The following ACSL5 variants were observed in gnomAD, a reference collection of about 807,000 sequenced individuals.
The protein encoded by ACSL5 is acyl-CoA synthetase long chain family member 5.
In ACSL5, 50 loss-of-function variants were observed where a neutral mutation model predicts 84.9. The observed-to-expected ratio is 0.59, with a 90% CI of 0.47 to 0.75. ACSL5 has a LOEUF of 0.75. Ranked by LOEUF, ACSL5 falls within the 30% of genes least tolerant of loss-of-function variation. The pLI, the probability that ACSL5 is intolerant of heterozygous loss-of-function variation, is 0.00. For missense variants in ACSL5, 775 were observed against 830.4 expected, an observed-to-expected ratio of 0.93 and a Z score of 0.82; for synonymous variants, 280 against 300.7, an observed-to-expected ratio of 0.93 and a Z score of 0.71.
chr10:112,406,474 G>A (rs1489081506), intron 5 of ACSL5: 1 of 152,184 alleles, frequency 6.6e-6, no homozygotes, highest in African/African-American at 2.4e-5. Flanking sequence ...ATTTGGGTTG[G>A]GCCGGAGGAG....
chr10:112,385,793 TA>T (rs1455252492), intron 1 of ACSL5, among the ~76,000 whole-genome samples: 6 of 152,220 alleles, frequency 3.9e-5, no homozygotes, highest in African/African-American at 1.4e-4. Flanking sequence ...GGAAAATTTT[TA>T]TTTTTATATA....
intron 4 of ACSL5, 23 bp from the exon 5 acceptor site, chr10:112,404,682 C>T (rs908858437): frequency 9.3e-6 from 15 of 1,608,354 alleles, no homozygotes; most frequent in Admixed American, 3.3e-5. Context: ...CTCTCTCTCT[C>T]ACCCCATCTC....
chr10:112,418,555 C>T (rs1844373682), intron 14 of ACSL5, among the ~76,000 whole-genome samples: 1 of 151,802 alleles, frequency 6.6e-6, no homozygotes, highest in African/African-American at 2.4e-5. Context: ...GCACTCCAGC[C>T]TGGGCAACAG....
At chr10:112,407,222 AT>A (rs1844060673) in intron 5 of ACSL5, among the ~76,000 whole-genome samples, 1 of 151,788 alleles carries the variant, frequency 6.6e-6, no homozygotes. Context: ...TATTTTATTT[AT>A]TTATTTATTT....
At chr10:112,411,274 A>G in intron 9 of ACSL5, 182 bp from the exon 10 acceptor site, 1 of 595,176 alleles carries the variant, frequency 1.7e-6, no homozygotes, top group South Asian at 2.0e-5. Context: ...ATTCAGCAGT[A>G]GAATCTCCGG....
At chr10:112,407,621 G>T (rs999491295) in intron 5 of ACSL5, among the ~76,000 whole-genome samples, 1 of 152,112 alleles carries the variant, frequency 6.6e-6, no homozygotes, top group South Asian at 2.1e-4. Context: ...TTCCTCCCAC[G>T]ACACATGGGG....
intron 19 of ACSL5, 25 bp from the exon 20 acceptor site, chr10:112,426,763 T>C: frequency 6.2e-7 from 1 of 1,608,900 alleles, no homozygotes; most frequent in Non-Finnish European, 8.5e-7. Flanking sequence ...ACAGCCATGC[T>C]TTAAGTGATG....
At chr10:112,403,835 AAAC>A (rs1312134463) in intron 3 of ACSL5, among the ~76,000 whole-genome samples, 1 of 152,212 alleles carries the variant, frequency 6.6e-6, no homozygotes, top group Non-Finnish European at 1.5e-5. Context: ...TCAAGCTTGA[AAAC>A]AATCTAAATA....
At chr10:112,378,705 A>G (rs1354050297) in intron 1 of ACSL5, among the ~76,000 whole-genome samples, 1 of 152,196 alleles carries the variant, frequency 6.6e-6, no homozygotes, top group Non-Finnish European at 1.5e-5. Context: ...TAACCCCAGC[A>G]GCCATGAGTC....
chr10:112,386,469 C>G (rs1157875575), intron 1 of ACSL5, among the ~76,000 whole-genome samples: 1 of 152,076 alleles, frequency 6.6e-6, no homozygotes, highest in East Asian at 1.9e-4. Context: ...GCTGGGATTA[C>G]AGGCATAAGC....
intron 6 of ACSL5, 178 bp from the exon 7 acceptor site, chr10:112,409,329 A>T: frequency 1.7e-6 from 1 of 580,384 alleles, no homozygotes; most frequent in Non-Finnish European, 3.0e-6. Context: ...TGTTTCAGTT[A>T]AGTTCATTTA....
At chr10:112,421,701 G>T in intron 15 of ACSL5, 36 bp downstream of exon 15, 1 of 1,585,758 alleles carries the variant, frequency 6.3e-7, no homozygotes, top group Non-Finnish European at 8.7e-7. Flanking sequence ...AGGTGCCATG[G>T]TTGGGAGAAA....
In ACSL5 at chr10:112,428,095, C is replaced by A; in HGVS notation, c.*737C>A. On this transcript the variant is annotated 3_prime_UTR_variant, in exon 21 of 21. Coordinates refer to ENST00000354655, the MANE Select transcript of ACSL5 (RefSeq NM_203379.2). ...AGGAACTGGGGAGTAAATCTGTTCCCTACAGTTTGCTGCTGAGCTGGAAGC... is the reference window on the plus strand; with the variant it reads ...AGGAACTGGGGAGTAAATCTGTTCCATACAGTTTGCTGCTGAGCTGGAAGC... 1 of 243,810 alleles carries A rather than the reference C, an allele frequency of 4.1e-6. No individual in the cohort carries two copies. Among genetic ancestry groups the A allele is most frequent in the African/African-American group, 2.2e-5 (1 of 45,174 alleles). 15.1% of individuals were successfully genotyped at this position (243,810 alleles called of 1,614,324 possible). A position where few individuals can be genotyped will look rare whatever the true frequency, so the allele number is the denominator to read the frequency against.
chr10:112,408,781 C>G lies in ACSL5; in HGVS notation c.532+260C>G, dbSNP rs527413670. ...GTGACATGGTATGATGATATAGAGA[C>G]AAGACTACTCACTCTGAACACACTA... On this transcript the variant is annotated intron_variant, in intron 6 of 20. Transcript: ENST00000354655. The G allele has an allele frequency of 6.4e-4, 252 of 392,088 alleles. 2 individuals are homozygous for G. Among genetic ancestry groups the G allele is most frequent in the Non-Finnish European group, 1.1e-3 (226 of 207,136 alleles). 24.3% of individuals were successfully genotyped at this position (392,088 alleles called of 1,614,324 possible).
chr10:112,394,404 AAAT>A (rs1843701933), intron 1 of ACSL5, among the ~76,000 whole-genome samples: 1 of 152,264 alleles, frequency 6.6e-6, no homozygotes, highest in South Asian at 2.1e-4. Context: ...AGCCAGCAGG[AAAT>A]ATCCTTCATA....
At chr10:112,391,355 C>T (rs1843633286) in intron 1 of ACSL5, among the ~76,000 whole-genome samples, 1 of 135,072 alleles carries the variant, frequency 7.4e-6, no homozygotes, top group Admixed American at 8.3e-5. Context: ...GGCAGCAGAG[C>T]CAGACTGTGC....
intron 2 of ACSL5, 21 bp from the exon 3 acceptor site, chr10:112,398,880 A>G (rs1398885030): frequency 1.9e-6 from 3 of 1,606,550 alleles, no homozygotes; most frequent in Non-Finnish European, 2.6e-6. Context: ...AACTTGGCCT[A>G]AACTTGGTCT....
intron 14 of ACSL5, chr10:112,418,946 G>C (rs1220033633): frequency 6.6e-6 from 1 of 152,204 alleles, no homozygotes; most frequent in Admixed American, 6.5e-5. Context: ...ATACAAACTT[G>C]TGTTGTGCAA....
chr10:112,419,665 T>C (rs1844409328), intron 14 of ACSL5: 1 of 152,236 alleles, frequency 6.6e-6, no homozygotes, highest in African/African-American at 2.4e-5. Flanking sequence ...ATTAGAATAG[T>C]CAACCTGTAA....
Sources: gnomAD v4.1 joint callset for allele counts (sites outside exome capture counted in the v4.1 genomes callset) on GRCh38, gnomAD v4.1.1 for gene constraint, MANE v1.5 for transcripts, NCBI Gene and HGNC (gene_info 2026-07-23, HGNC 2026-07-21) for gene names.